Variants in XKR9 observed in about 807,000 individuals in gnomAD.
The protein encoded by XKR9 is XK-related protein 9.
In XKR9, 32 loss-of-function variants were observed where a neutral mutation model predicts 32.0. That is an observed-to-expected ratio of 1.00 (90% CI 0.76 to 1.34). The LOEUF (loss-of-function observed/expected upper bound fraction) is 1.34. XKR9 is among the 40% of genes most tolerant of loss of function. The probability of loss-of-function intolerance (pLI) is 0.00; values close to 1 mark genes in which losing one functional copy is unlikely to be tolerated. For synonymous variants in XKR9, 168 were observed against 143.4 expected, an observed-to-expected ratio of 1.17 and a Z score of -1.22; for missense variants, 546 against 429.7, an observed-to-expected ratio of 1.27 and a Z score of -2.39.
intron 3 of XKR9, among the ~76,000 whole-genome samples, chr8:70,687,838 A>G (rs941035248): frequency 2.0e-5 from 3 of 152,102 alleles, no homozygotes; most frequent in Non-Finnish European, 4.4e-5. Context: ...ATCTTTTGAA[A>G]TTTATTCAGA....
chr8:70,908,872 C>G, the XKR9 span, among the ~76,000 whole-genome samples: 2 of 152,182 alleles, frequency 1.3e-5, no homozygotes, highest in African/African-American at 4.8e-5. Flanking sequence ...AACCCCTGCT[C>G]TAGAACAACT....
chr8:71,041,399 G>T, the XKR9 span, among the ~76,000 whole-genome samples: 1 of 152,182 alleles, frequency 6.6e-6, no homozygotes. Flanking sequence ...GATTTGGATG[G>T]TCTGTTTTGG....
At chr8:70,775,590 G>A (rs1807507548) in intron 2 of XKR9, among the ~76,000 whole-genome samples, 2 of 151,920 alleles carry the variant, frequency 1.3e-5, no homozygotes, top group African/African-American at 4.8e-5. Flanking sequence ...TGGTTAGTAT[G>A]GTGGATTATA....
chr8:70,828,027 C>T, the XKR9 span, among the ~76,000 whole-genome samples: 2 of 152,090 alleles, frequency 1.3e-5, no homozygotes, highest in African/African-American at 2.4e-5. Flanking sequence ...ACAAGAATTT[C>T]ATTATTAACA....
At chr8:70,908,585 A>C in the XKR9 span, among the ~76,000 whole-genome samples, 18 of 152,344 alleles carry the variant, frequency 1.2e-4, no homozygotes, top group African/African-American at 4.3e-4. Context: ...TAAATATCTC[A>C]GGCTTTGGAG....
At chr8:70,731,385 T>G (rs1300409155) in intron 4 of XKR9, among the ~76,000 whole-genome samples, 1 of 152,032 alleles carries the variant, frequency 6.6e-6, no homozygotes, top group Non-Finnish European at 1.5e-5. Flanking sequence ...TCCAGAAGAA[T>G]GGAGCAACTT....
chr8:70,939,052 C>T, the XKR9 span, among the ~76,000 whole-genome samples: 4 of 151,162 alleles, frequency 2.6e-5, no homozygotes, highest in Non-Finnish European at 5.9e-5. Context: ...TGACAGCTAT[C>T]ATGTGATCAG....
intron 4 of XKR9, among the ~76,000 whole-genome samples, chr8:70,710,295 A>G (rs780454389): frequency 6.6e-6 from 1 of 152,204 alleles, no homozygotes; most frequent in Non-Finnish European, 1.5e-5. Context: ...TCAACTCAAG[A>G]TGGATTAAAG....
chr8:70,720,926 G>T (rs937928904), intron 4 of XKR9, among the ~76,000 whole-genome samples: 6 of 152,100 alleles, frequency 3.9e-5, no homozygotes, highest in African/African-American at 1.4e-4. Context: ...AATCCCTCTT[G>T]TCCTGGGCTT....
chr8:71,008,035 A>G, the XKR9 span, among the ~76,000 whole-genome samples: 2 of 152,212 alleles, frequency 1.3e-5, no homozygotes, highest in African/African-American at 4.8e-5. Flanking sequence ...CAAACCAGAA[A>G]TTAAATGATT....
intron 3 of XKR9, chr8:70,683,527 A>G: frequency 2.2e-6 from 1 of 449,122 alleles, no homozygotes; most frequent in Non-Finnish European, 4.5e-6. Flanking sequence ...TTGCTCTGTC[A>G]CCCAGGCTGG....
the XKR9 span, among the ~76,000 whole-genome samples, chr8:70,990,574 TA>T: frequency 6.6e-6 from 1 of 152,234 alleles, no homozygotes; most frequent in Non-Finnish European, 1.5e-5. Context: ...TTCTGCTATT[TA>T]ATATTTCCTA....
the XKR9 span, among the ~76,000 whole-genome samples, chr8:71,064,759 T>C: frequency 2.0e-5 from 3 of 152,180 alleles, no homozygotes; most frequent in East Asian, 5.8e-4. Flanking sequence ...GCTGTTTCCA[T>C]TCTATAGGGT....
At chr8:70,842,361 C>T in the XKR9 span, among the ~76,000 whole-genome samples, 3 of 152,138 alleles carry the variant, frequency 2.0e-5, no homozygotes, top group Admixed American at 6.6e-5. Context: ...ACTTTCCTTG[C>T]CAAGACCTGG....
At chr8:70,686,483 G>A (rs1819283670) in intron 3 of XKR9, among the ~76,000 whole-genome samples, 1 of 151,340 alleles carries the variant, frequency 6.6e-6, no homozygotes, top group African/African-American at 2.4e-5. Flanking sequence ...TTGCTCTGTT[G>A]CCCAGGCTGG....
the XKR9 span, among the ~76,000 whole-genome samples, chr8:70,914,250 C>A: frequency 2.6e-4 from 40 of 152,180 alleles, no homozygotes; most frequent in Admixed American, 1.3e-3. Context: ...GTTGAGTATA[C>A]ACATAGAAGT....
exon 4 of XKR9, chr8:70,790,355 A>C (rs1004289270): frequency 6.6e-6 from 1 of 152,086 alleles, no homozygotes; most frequent in African/African-American, 2.4e-5. Context: ...ATTAGAAGTT[A>C]GTTTCTTTTT....
chr8:70,896,543 ATGT>A, the XKR9 span, among the ~76,000 whole-genome samples: 1 of 150,348 alleles, frequency 6.7e-6, no homozygotes, highest in Admixed American at 6.6e-5. Flanking sequence ...GGTAATGCGT[ATGT>A]TCTGTTTTTT....
chr8:70,857,938 A>G, the XKR9 span, among the ~76,000 whole-genome samples: 6 of 152,314 alleles, frequency 3.9e-5, no homozygotes, highest in South Asian at 2.1e-4. Context: ...AAAACTCTCA[A>G]TAAATTAGGT....
Sources: allele counts gnomAD v4.1 joint callset (sites outside exome capture counted in the v4.1 genomes callset), GRCh38; gene constraint gnomAD v4.1.1; transcripts MANE v1.5; gene names NCBI Gene and HGNC (gene_info 2026-07-23, HGNC 2026-07-21).